Variants in LRRC8D observed in about 807,000 individuals in gnomAD.
LRRC8D encodes volume-regulated anion channel subunit LRRC8D.
A neutral mutation model predicts 55.8 loss-of-function variants in LRRC8D; 20 were observed. That is an observed-to-expected ratio of 0.36 (90% CI 0.25 to 0.52). The LOEUF is 0.52. LRRC8D is among the 20% of genes least tolerant of loss of function. The probability of loss-of-function intolerance (pLI) is 0.93; values close to 1 mark genes in which losing one functional copy is unlikely to be tolerated. For synonymous variants in LRRC8D, 352 were observed against 377.0 expected, an observed-to-expected ratio of 0.93 and a Z score of 0.77; for missense variants, 651 against 1,030.8, an observed-to-expected ratio of 0.63 and a Z score of 5.05.
intron 2 of LRRC8D, among the ~76,000 whole-genome samples, chr1:89,886,240 A>G (rs1570857219): frequency 6.6e-6 from 1 of 152,334 alleles, no homozygotes; most frequent in East Asian, 1.9e-4. Context: ...GTCTCTGAAG[A>G]GTGAGAGACT....
At chr1:89,837,881 G>A (rs538319267) in intron 1 of LRRC8D, among the ~76,000 whole-genome samples, 15 of 152,102 alleles carry the variant, frequency 9.9e-5, no homozygotes, top group South Asian at 6.2e-4. Flanking sequence ...GTTTTTCTTC[G>A]TGTAGACTCC....
At chr1:89,856,950 T>C (rs1661570731) in intron 2 of LRRC8D, among the ~76,000 whole-genome samples, 1 of 152,248 alleles carries the variant, frequency 6.6e-6, no homozygotes, top group Non-Finnish European at 1.5e-5. Flanking sequence ...ATGTCAATTA[T>C]ACTTTCTTTT....
chr1:89,835,272 G>A (rs1277322372), intron 1 of LRRC8D, among the ~76,000 whole-genome samples: 1 of 152,174 alleles, frequency 6.6e-6, no homozygotes, highest in Non-Finnish European at 1.5e-5. Context: ...CTAGAGAAAG[G>A]TCTGAGCTGA....
intron 1 of LRRC8D, among the ~76,000 whole-genome samples, chr1:89,822,963 G>A (rs951830233): frequency 3.3e-5 from 5 of 152,186 alleles, no homozygotes; most frequent in African/African-American, 4.8e-5. Flanking sequence ...CAGGGGTCAC[G>A]AAAAGTTGAT....
At chr1:89,838,952 G>A (rs116386495) in intron 1 of LRRC8D, among the ~76,000 whole-genome samples, 2 of 152,130 alleles carry the variant, frequency 1.3e-5, no homozygotes. Flanking sequence ...ATCTGGCGAG[G>A]TGATGAGGGT....
intron 2 of LRRC8D, among the ~76,000 whole-genome samples, chr1:89,891,940 A>G (rs1407625578): frequency 6.6e-6 from 1 of 152,126 alleles, no homozygotes; most frequent in Non-Finnish European, 1.5e-5. Flanking sequence ...CTCTCACTCC[A>G]TACTAGACTT....
chr1:89,856,825 C>T (rs10754295), intron 2 of LRRC8D, among the ~76,000 whole-genome samples: 104,521 of 152,102 alleles, frequency 0.69, 36,839 homozygotes, highest in East Asian at 0.83. Context: ...ATATCCACCA[C>T]GCTTGTAACT....
At chr1:89,853,979 T>G (rs1473639726) in intron 2 of LRRC8D, among the ~76,000 whole-genome samples, 1 of 151,952 alleles carries the variant, frequency 6.6e-6, no homozygotes, top group Non-Finnish European at 1.5e-5. Context: ...GGTGAGGAAG[T>G]GACTACAAGT....
chr1:89,825,475 G>T (rs1570797220), intron 1 of LRRC8D, among the ~76,000 whole-genome samples: 1 of 152,228 alleles, frequency 6.6e-6, no homozygotes, highest in Non-Finnish European at 1.5e-5. Context: ...TCTGAAGCTT[G>T]CAGGGTTAGA....
intron 2 of LRRC8D, among the ~76,000 whole-genome samples, chr1:89,845,024 G>A (rs1336164715): frequency 1.3e-5 from 2 of 152,182 alleles, no homozygotes; most frequent in African/African-American, 4.8e-5. Flanking sequence ...TAGCACAGAG[G>A]AAAAGTGAAT....
intron 2 of LRRC8D, among the ~76,000 whole-genome samples, chr1:89,897,535 T>C (rs938216262): frequency 6.6e-6 from 1 of 152,230 alleles, no homozygotes; most frequent in African/African-American, 2.4e-5. Context: ...AAAAGCATGA[T>C]ACATATTGCA....
rs535575994 is a variant in LRRC8D at position 89,910,794 on chromosome 1, T to A, written c.-2-22273T>A. ...AATTTAATAGGCTCAAGTATGTAAG[T>A]GCTTGGTTATTCAGGAGGGGTAATT... On this transcript the variant is annotated intron_variant, in intron 2 of 2. Transcript: ENST00000337338. 5.3e-5 allele frequency among the ~76,000 whole-genome samples: 8 copies of A among 152,310 alleles called. No individual in the cohort carries two copies. The South Asian group carries it at 1.7e-3, about 32-fold the overall frequency.
chr1:89,828,445 A>G (rs1459841707), intron 1 of LRRC8D, among the ~76,000 whole-genome samples: 1 of 152,196 alleles, frequency 6.6e-6, no homozygotes, highest in African/African-American at 2.4e-5. Flanking sequence ...ATTCAATTAT[A>G]AGAGTCTGGT....
At chr1:89,886,671 A>C (rs1172626487) in intron 2 of LRRC8D, among the ~76,000 whole-genome samples, 5 of 152,236 alleles carry the variant, frequency 3.3e-5, no homozygotes, top group Non-Finnish European at 7.3e-5. Flanking sequence ...ACAGCAGCCT[A>C]TTTAATAAAA....
chr1:89,882,496 A>G (rs1662309584), intron 2 of LRRC8D, among the ~76,000 whole-genome samples: 2 of 152,202 alleles, frequency 1.3e-5, no homozygotes, highest in African/African-American at 4.8e-5. Flanking sequence ...ACAGATGGTA[A>G]ATGCTGTGGG....
intron 2 of LRRC8D, among the ~76,000 whole-genome samples, chr1:89,912,208 C>CT (rs1663149974): frequency 6.6e-6 from 1 of 152,170 alleles, no homozygotes; most frequent in Non-Finnish European, 1.5e-5. Context: ...TGCCTCCAGT[C>CT]TTTCCTCCCT....
chr1:89,867,522 G>T (rs1055772407), intron 2 of LRRC8D, among the ~76,000 whole-genome samples: 5 of 152,136 alleles, frequency 3.3e-5, no homozygotes, highest in Non-Finnish European at 7.4e-5. Context: ...CTCATAGATT[G>T]GGTTGTTTTC....
chr1:89,864,709 G>T (rs545064651), intron 2 of LRRC8D, among the ~76,000 whole-genome samples: 5 of 152,202 alleles, frequency 3.3e-5, no homozygotes, highest in African/African-American at 1.2e-4. Context: ...TTAATAAGGA[G>T]TTAAAAGCCA....
intron 1 of LRRC8D, among the ~76,000 whole-genome samples, chr1:89,842,340 C>T (rs12040495): frequency 0.23 from 34,392 of 152,040 alleles, 4,787 homozygotes; most frequent in East Asian, 0.38. Context: ...CTGCCAGAGC[C>T]ATGGGAACAG....
Sources: gnomAD v4.1 joint callset for allele counts (sites outside exome capture counted in the v4.1 genomes callset) on GRCh38, gnomAD v4.1.1 for gene constraint, MANE v1.5 for transcripts, NCBI Gene and HGNC (gene_info 2026-07-23, HGNC 2026-07-21) for gene names.